The following OR7A17 variants were observed in gnomAD, a reference collection of about 807,000 sequenced individuals.
The protein encoded by OR7A17 is olfactory receptor family 7 subfamily A member 17.
For missense variants in OR7A17, 366 were observed against 365.5 expected, an observed-to-expected ratio of 1.00 and a Z score of -0.01; for synonymous variants, 159 against 142.1, an observed-to-expected ratio of 1.12 and a Z score of -0.85.
Position 14,879,548 on chromosome 19 carries a change from A to C in OR7A17, c.*878T>G, listed in dbSNP as rs1449895985. ...AGTGCTGGGATTACAGGCCTGAGCC[A>C]CCGTGCCTGCACTTGATAGGAAATT... On this transcript the variant is annotated 3_prime_UTR_variant, in exon 3 of 3. Coordinates refer to ENST00000641113, the MANE Select transcript of OR7A17 (RefSeq NM_030901.2). 6.6e-6 allele frequency: 1 copy of C among 152,218 alleles called. No individual in the cohort carries two copies. Among genetic ancestry groups the C allele is most frequent in the East Asian group, 1.9e-4 (1 of 5,158 alleles). The allele number at this position is 152,218 out of a possible 1,614,324, so 9.4% of individuals were successfully genotyped here.
chr19:14,880,314 G>GA lies in OR7A17; in HGVS notation c.*111dup, dbSNP rs561222797. On this transcript the variant is annotated 3_prime_UTR_variant, in exon 3 of 3. Transcript: ENST00000641113. ...GAGATCAAAGAAATTGAAACTCTGAGAAAAAATAGAAGGAGCAAATTCCAC... is the reference window on the plus strand; with the variant it reads ...GAGATCAAAGAAATTGAAACTCTGAGAAAAAAATAGAAGGAGCAAATTCCAC... The GA allele has an allele frequency of 4.0e-4, 348 of 875,618 alleles. 1 individual carries two copies. The African/African-American group carries it at 5.4e-3, about 14-fold the overall frequency. 54.2% of individuals were successfully genotyped at this position (875,618 alleles called of 1,614,324 possible).
rs772671683 is a variant in OR7A17 at position 14,881,012 on chromosome 19, A to C, written c.344T>G (p.Leu115Arg). 1.9e-6 allele frequency: 3 copies of C among 1,614,244 alleles called. No homozygotes were observed. Among genetic ancestry groups the C allele is most frequent in the Non-Finnish European group, 1.7e-6 (2 of 1,180,034 alleles). ...VLFGGLDSLL[L>R]AVMAYDRFVA... is the part of the protein sequence containing the mutation. ...AAACCGATCATAGGCCATCACAGCC[A>C]GGAGTAAGCTGTCTAACCCTCCAAA... The change falls in exon 3 of 3, where the codon CTG (leucine) becomes CGG (arginine). Residue 115 changes from leucine (L) to arginine (R), a missense_variant. By Grantham distance (102) the Leu-to-Arg change is moderately radical (BLOSUM62 -2). Transcript: ENST00000641113.
At position 14,880,248 on chromosome 19, in the gene OR7A17, G is replaced by A. The variant is rs143503639; in HGVS notation, c.*178C>T. 2.7e-4 allele frequency: 101 copies of A among 376,508 alleles called. 1 individual carries two copies. The highest frequency in any genetic ancestry group is 1.7e-3 in the African/African-American group (75 of 43,182). The allele number at this position is 376,508 out of a possible 1,614,324, so 23.3% of individuals were successfully genotyped here. ...AAAAAAAGATTGGATATCAGAGAGC[G>A]GAAAGCTTTATAAAGGAATACATTA... On this transcript the variant is annotated 3_prime_UTR_variant, in exon 3 of 3. Transcript: ENST00000641113.
At chr19:14,883,432 C>G (rs562063471) in intron 1 of OR7A17, among the ~76,000 whole-genome samples, 124 of 151,440 alleles carry the variant, frequency 8.2e-4, no homozygotes, top group African/African-American at 3.0e-3. Flanking sequence ...AAGAGCGAAA[C>G]TCTGTCTCAA....
At chr19:14,882,847 A>G (rs1040104176) in intron 1 of OR7A17, among the ~76,000 whole-genome samples, 1 of 152,152 alleles carries the variant, frequency 6.6e-6, no homozygotes, top group Non-Finnish European at 1.5e-5. Context: ...CACGCAGCAC[A>G]CTGTAGCTCC....
rs73508560 is a variant in OR7A17 at position 14,879,503 on chromosome 19, C to T, written c.*923G>A. 34,687 of 151,928 alleles carry T rather than the reference C, an allele frequency of 0.23. 5,271 individuals are homozygous for T. Among genetic ancestry groups the T allele is most frequent in the African/African-American group, 0.43 (17,657 of 41,390 alleles). The allele number at this position is 151,928 out of a possible 1,614,324, so 9.4% of individuals were successfully genotyped here. The stretch of plus-strand genomic sequence containing the variant: ...CTCCAACTCCCTACCTCAGGTGATC[C>T]GCCCGCCTTGGCCTCCCAAAGTGCT... On this transcript the variant is annotated 3_prime_UTR_variant, in exon 3 of 3. Coordinates refer to ENST00000641113, the MANE Select transcript of OR7A17 (RefSeq NM_030901.2).
rs1313653768 is a variant in OR7A17 at position 14,880,221 on chromosome 19, A to AAG, written c.*204_*205insCT. ...AGTAGGAAAATGACAAAAAAAAAAA[A>AAG]AAAAAAAAGATTGGATATCAGAGAG... On this transcript the variant is annotated 3_prime_UTR_variant, in exon 3 of 3. Coordinates refer to ENST00000641113, the MANE Select transcript of OR7A17 (RefSeq NM_030901.2). 2 of 298,430 alleles carry AAG rather than the reference A, an allele frequency of 6.7e-6. No homozygotes were observed. The highest frequency in any genetic ancestry group is 1.2e-5 in the Non-Finnish European group (2 of 165,672). The allele number at this position is 298,430 out of a possible 1,614,324, so 18.5% of individuals were successfully genotyped here.
At chr19:14,884,193 T>C (rs1358143853) in intron 1 of OR7A17, among the ~76,000 whole-genome samples, 1 of 152,198 alleles carries the variant, frequency 6.6e-6, no homozygotes, top group Non-Finnish European at 1.5e-5. Flanking sequence ...GACAAAGTAT[T>C]TTAACTAACG....
Position 14,881,482 on chromosome 19 carries a change from G to A in OR7A17, c.-127C>T. 1.8e-6 allele frequency: 1 copy of A among 549,036 alleles called. No individual in the cohort carries two copies. Among genetic ancestry groups the A allele is most frequent in the East Asian group, 3.8e-5 (1 of 26,056 alleles). 34.0% of individuals were successfully genotyped at this position (549,036 alleles called of 1,614,324 possible). On this transcript the variant is annotated 5_prime_UTR_variant, in exon 3 of 3. Transcript: ENST00000641113. The stretch of plus-strand genomic sequence containing the variant: ...GGACTCATGCGATCCTCCCACTTCA[G>A]CCTACAAAAGTGCTGAGATTATAGG...
At chr19:14,884,179 T>A (rs571503114) in intron 1 of OR7A17, among the ~76,000 whole-genome samples, 1 of 152,306 alleles carries the variant, frequency 6.6e-6, no homozygotes, top group South Asian at 2.1e-4. Flanking sequence ...AAGATCTTAG[T>A]GTAGACAAAG....
chr19:14,880,231 A>ATT lies in OR7A17; in HGVS notation c.*193_*194dup. On this transcript the variant is annotated 3_prime_UTR_variant, in exon 3 of 3. Coordinates refer to ENST00000641113, the MANE Select transcript of OR7A17 (RefSeq NM_030901.2). ...TGACAAAAAAAAAAAAAAAAAAAAG[A>ATT]TTGGATATCAGAGAGCGGAAAGCTT... 4 of 275,190 alleles carry ATT rather than the reference A, an allele frequency of 1.5e-5. No homozygotes were observed. Among genetic ancestry groups the ATT allele is most frequent in the Non-Finnish European group, 2.6e-5 (4 of 151,072 alleles). The allele number at this position is 275,190 out of a possible 1,614,324, so 17.0% of individuals were successfully genotyped here.
At chr19:14,882,338 T>G (rs1056946883) in intron 1 of OR7A17, among the ~76,000 whole-genome samples, 2 of 152,138 alleles carry the variant, frequency 1.3e-5, no homozygotes, top group Non-Finnish European at 2.9e-5. Flanking sequence ...TTTTAATAGG[T>G]GTACAGACAA....
At chr19:14,882,931 G>T (rs1341388030) in intron 1 of OR7A17, among the ~76,000 whole-genome samples, 1 of 152,190 alleles carries the variant, frequency 6.6e-6, no homozygotes, top group Non-Finnish European at 1.5e-5. Context: ...CAGGCAAGTT[G>T]TCAATTTCAA....
intron 1 of OR7A17, among the ~76,000 whole-genome samples, chr19:14,885,593 A>G (rs1406766295): frequency 6.6e-6 from 1 of 152,218 alleles, no homozygotes; most frequent in Non-Finnish European, 1.5e-5. Context: ...TTCAAGGAGA[A>G]CTACAAACCA....
rs1395289289 is a variant in OR7A17 at position 14,880,966 on chromosome 19, C to G, written c.390G>C (p.Leu130=). ...YDRFVAICHP[L]HYTVIMNPRL... ...GAGGGTTCATGATGACTGTGTAGTG[C>G]AGAGGATGACAGATGGCCACAAACC... The change falls in exon 3 of 3, where the codon CTG becomes CTC. Residue 130 remains leucine (L), a synonymous_variant. Transcript: ENST00000641113. 6.2e-7 allele frequency: 1 copy of G among 1,614,166 alleles called. No homozygotes were observed. The highest frequency in any genetic ancestry group is 1.1e-5 in the South Asian group (1 of 91,076).
At chr19:14,881,686 G>A (rs2045113245) in intron 2 of OR7A17, 88 bp downstream of exon 2, 1 of 155,362 alleles carries the variant, frequency 6.4e-6, no homozygotes, top group Admixed American at 6.5e-5. Context: ...CAGATAAAAT[G>A]GTATGCATTT....
In OR7A17 at chr19:14,881,242, A is replaced by G. The variant is rs763107931; in HGVS notation, c.114T>C (p.Thr38=). ...FGLFLSMYLV[T]VLGNLLIILA... ...GGATGATGAGCAGATTCCCGAGCACAGTGACCAGGTACATGGACAGAAACA... is the reference window on the plus strand; with the variant it reads ...GGATGATGAGCAGATTCCCGAGCACGGTGACCAGGTACATGGACAGAAACA... The change falls in exon 3 of 3, where the codon ACT becomes ACC. Residue 38 remains threonine, a synonymous_variant. Coordinates refer to ENST00000641113, the MANE Select transcript of OR7A17 (RefSeq NM_030901.2). The G allele has an allele frequency of 8.1e-6, 13 of 1,614,006 alleles. No homozygotes were observed. The highest frequency in any genetic ancestry group is 2.7e-5 in the African/African-American group (2 of 74,906).
rs1254987073 is a variant in OR7A17 at position 14,880,211 on chromosome 19, A to T, written c.*215T>A. On this transcript the variant is annotated 3_prime_UTR_variant, in exon 3 of 3. Transcript: ENST00000641113. ...ACATTGGGAAAGTAGGAAAATGACA[A>T]AAAAAAAAAAAAAAAAAAGATTGGA... The T allele has an allele frequency of 1.4e-5, 1 of 74,044 alleles. No individual in the cohort carries two copies. Among genetic ancestry groups the T allele is most frequent in the Non-Finnish European group, 2.3e-5 (1 of 43,372 alleles). 4.6% of individuals were successfully genotyped at this position (74,044 alleles called of 1,614,324 possible).
At position 14,881,474 on chromosome 19, in the gene OR7A17, C is replaced by T; in HGVS notation, c.-119G>A. ...AACCTCCTGGACTCATGCGATCCTC[C>T]CACTTCAGCCTACAAAAGTGCTGAG... On this transcript the variant is annotated 5_prime_UTR_variant, in exon 3 of 3. Coordinates refer to ENST00000641113, the MANE Select transcript of OR7A17 (RefSeq NM_030901.2). The T allele has an allele frequency of 1.7e-6, 1 of 590,076 alleles. No homozygotes were observed. Among genetic ancestry groups the T allele is most frequent in the Non-Finnish European group, 2.5e-6 (1 of 402,736 alleles). The allele number at this position is 590,076 out of a possible 1,614,324, so 36.6% of individuals were successfully genotyped here.
Sources: gnomAD v4.1 joint callset for allele counts (sites outside exome capture counted in the v4.1 genomes callset) on GRCh38, gnomAD v4.1.1 for gene constraint, MANE v1.5 for transcripts, NCBI Gene and HGNC (gene_info 2026-07-23, HGNC 2026-07-21) for gene names.